ENTPD7: variants seen among roughly 807,000 people sequenced by gnomAD.
ENTPD7 encodes NTPDase 7.
In ENTPD7, 53 loss-of-function variants were observed where a neutral mutation model predicts 77.9. The ratio of observed to expected loss-of-function variants is 0.68; its 90% CI spans 0.55 to 0.85. ENTPD7 has a LOEUF of 0.85. Among genes scored for constraint, ENTPD7 ranks in the 40% least tolerant of loss-of-function variants. ENTPD7 has a pLI of 0.00. For synonymous variants in ENTPD7, 248 were observed against 274.9 expected, an observed-to-expected ratio of 0.90 and a Z score of 0.97; for missense variants, 636 against 743.7, an observed-to-expected ratio of 0.86 and a Z score of 1.68.
intron 5 of ENTPD7, 69 bp from the exon 6 acceptor site, chr10:99,685,723 A>G: frequency 2.7e-6 from 3 of 1,128,954 alleles, no homozygotes; most frequent in Non-Finnish European, 4.0e-6. Flanking sequence ...AAGTAGAAGG[A>G]CAAGTTGAGG....
intron 4 of ENTPD7, 82 bp from the exon 5 acceptor site, chr10:99,679,643 C>T (rs1473124755): frequency 4.0e-6 from 6 of 1,516,038 alleles, no homozygotes; most frequent in Middle Eastern, 1.8e-4. Context: ...TTGAGGAGAA[C>T]TTTATAGGGT....
In ENTPD7 at chr10:99,680,024, G is replaced by A; in HGVS notation, c.548+149G>A. 3.0e-6 allele frequency: 3 copies of A among 984,040 alleles called. No individual in the cohort carries two copies. The South Asian group carries it at 5.6e-5, about 18-fold the overall frequency. The allele number at this position is 984,040 out of a possible 1,614,324, so 61.0% of individuals were successfully genotyped here. A position where few individuals can be genotyped will look rare whatever the true frequency, so the allele number is the denominator to read the frequency against. On this transcript the variant is annotated intron_variant, in intron 5 of 12. Coordinates refer to ENST00000370489, the MANE Select transcript of ENTPD7 (RefSeq NM_020354.5). The stretch of plus-strand genomic sequence containing the variant: ...CATTCCCAACTTCTTGTCATTTGCT[G>A]CTTTGGGATCAGTATCTATCTGGGA...
chr10:99,702,021 C>T (rs893816474), intron 11 of ENTPD7, among the ~76,000 whole-genome samples: 5 of 151,770 alleles, frequency 3.3e-5, no homozygotes, highest in Non-Finnish European at 5.9e-5. Flanking sequence ...TGCACTCCAG[C>T]GTGGGTGACA....
chr10:99,695,838 G>A lies in ENTPD7; in HGVS notation c.844-118G>A, dbSNP rs1590054110. 2.7e-5 allele frequency: 25 copies of A among 917,606 alleles called. No individual in the cohort carries two copies. In the East Asian group the frequency reaches 6.6e-4, roughly 24 times the overall value. 56.8% of individuals were successfully genotyped at this position (917,606 alleles called of 1,614,324 possible). On this transcript the variant is annotated intron_variant, in intron 8 of 12. Transcript: ENST00000370489. ...AATAATGCTATGAGGATGAAAGAAT[G>A]CTTAAGATGTTTTAAAGAGTAGTCA...
chr10:99,661,652 A>C (rs1166230262), intron 3 of ENTPD7, 24 bp downstream of exon 3: 6 of 1,573,886 alleles, frequency 3.8e-6, no homozygotes, highest in Non-Finnish European at 5.2e-6. Flanking sequence ...AGATTTTGGC[A>C]CTCAAGTCAT....
chr10:99,692,870 GTGA>G (rs3047439), intron 8 of ENTPD7, among the ~76,000 whole-genome samples: 64,705 of 151,732 alleles, frequency 0.43, 14,236 homozygotes, highest in Middle Eastern at 0.64. Context: ...TCTGAATTTT[GTGA>G]TGATGTCAGT....
In ENTPD7 at chr10:99,688,701, T is replaced by C. The variant is rs774614166; in HGVS notation, c.660T>C (p.Tyr220=). ...EVISGKQEGV[Y]AWIGINFVLG... ...TTTCTGTTTCTTACTTAGGGGTTTA[T>C]GCATGGATTGGAATCAACTTTGTTT... is the stretch of plus-strand genomic sequence containing the variant. The change falls in exon 7 of 13, where the codon TAT becomes TAC. Residue 220 remains tyrosine (Y), a synonymous_variant. Transcript: ENST00000370489. 3.1e-6 allele frequency: 5 copies of C among 1,613,952 alleles called. No individual in the cohort carries two copies. Among genetic ancestry groups the C allele is most frequent in the Admixed American group, 1.7e-5 (1 of 60,018 alleles).
intron 5 of ENTPD7, among the ~76,000 whole-genome samples, chr10:99,684,446 T>C (rs900068223): frequency 1.3e-5 from 2 of 152,222 alleles, no homozygotes; most frequent in Non-Finnish European, 2.9e-5. Context: ...TTGAGGAGTT[T>C]AGAAGCATAT....
At position 99,710,436 on chromosome 10, in the gene ENTPD7, T is replaced by G; in HGVS notation, c.*5753T>G. On this transcript the variant is annotated 3_prime_UTR_variant, in exon 13 of 13. Transcript: ENST00000370489. ...CTGCGGAGTGTAGTGAAAGACATCT[T>G]TTTATTATGATCTACACTTTAAAAA... 1.0e-6 allele frequency: 1 copy of G among 981,402 alleles called. No individual in the cohort carries two copies. Among genetic ancestry groups the G allele is most frequent in the Non-Finnish European group, 1.2e-6 (1 of 828,440 alleles). 60.8% of individuals were successfully genotyped at this position (981,402 alleles called of 1,614,324 possible). A position where few individuals can be genotyped will look rare whatever the true frequency, so the allele number is the denominator to read the frequency against.
intron 3 of ENTPD7, among the ~76,000 whole-genome samples, chr10:99,669,697 C>T (rs1422789432): frequency 4.1e-5 from 6 of 145,648 alleles, no homozygotes; most frequent in Non-Finnish European, 6.0e-5. Context: ...TACACATGCA[C>T]AGCAGAGCTG....
At position 99,701,038 on chromosome 10, in the gene ENTPD7, T is replaced by G. The variant is rs1370606547; in HGVS notation, c.1401T>G (p.His467Gln). ...TCAAGAATGGCCTCTTTTCATCACA[T>G]GCAGATGAGCATCGACTCAAGTAAG... ...QRFKNGLFSS[H>Q]ADEHRLKYQC... Residue 467 changes from histidine (H) to glutamine (Q), a missense_variant, in exon 11 of 13, where the codon CAT becomes CAG. Coordinates refer to ENST00000370489, the MANE Select transcript of ENTPD7 (RefSeq NM_020354.5). The G allele has an allele frequency of 1.2e-6, 2 of 1,613,932 alleles. No individual in the cohort carries two copies. The highest frequency in any genetic ancestry group is 1.7e-6 in the Non-Finnish European group (2 of 1,179,904).
At chr10:99,669,750 T>TTG (rs1554835542) in intron 3 of ENTPD7, among the ~76,000 whole-genome samples, 1 of 126,784 alleles carries the variant, frequency 7.9e-6, no homozygotes, top group Non-Finnish European at 1.7e-5. Flanking sequence ...GTTTTTTTTT[T>TTG]TTTTTTTTTT....
chr10:99,681,795 G>C (rs1415623163), intron 5 of ENTPD7, among the ~76,000 whole-genome samples: 1 of 152,152 alleles, frequency 6.6e-6, no homozygotes, highest in African/African-American at 2.4e-5. Flanking sequence ...TAGGGATGTT[G>C]AGCAACTTTT....
chr10:99,709,685 G>C lies in ENTPD7; in HGVS notation c.*5002G>C, dbSNP rs886046597. ...CCTGTTTGGGTGTCCCATCTACCCTGTTTTCTGTTTCTGCAGATGGCTTGT... is the reference window on the plus strand; with the variant it reads ...CCTGTTTGGGTGTCCCATCTACCCTCTTTTCTGTTTCTGCAGATGGCTTGT... On this transcript the variant is annotated 3_prime_UTR_variant, in exon 13 of 13. Transcript: ENST00000370489. 3.2e-5 allele frequency: 32 copies of C among 985,268 alleles called. No homozygotes were observed. The highest frequency in any genetic ancestry group is 3.9e-5 in the Non-Finnish European group (32 of 829,922). The allele number at this position is 985,268 out of a possible 1,614,324, so 61.0% of individuals were successfully genotyped here. A position where few individuals can be genotyped will look rare whatever the true frequency, so the allele number is the denominator to read the frequency against.
rs1264294644 is a variant in ENTPD7 at position 99,705,680 on chromosome 10, A to G, written c.*997A>G. 1 of 152,274 alleles carries G rather than the reference A, an allele frequency of 6.6e-6. No individual in the cohort carries two copies. Among genetic ancestry groups the G allele is most frequent in the East Asian group, 1.9e-4 (1 of 5,206 alleles). 9.4% of individuals were successfully genotyped at this position (152,274 alleles called of 1,614,324 possible). ...GAGAGTGGGCAAAGGCAATAAAATCAAAGTTCTTATTAATTATTTCTGAGA... is the reference window on the plus strand; with the variant it reads ...GAGAGTGGGCAAAGGCAATAAAATCGAAGTTCTTATTAATTATTTCTGAGA... On this transcript the variant is annotated 3_prime_UTR_variant, in exon 13 of 13. Transcript: ENST00000370489.
chr10:99,700,676 G>A (rs1208437254), intron 10 of ENTPD7, among the ~76,000 whole-genome samples: 1 of 152,202 alleles, frequency 6.6e-6, no homozygotes, highest in Non-Finnish European at 1.5e-5. Context: ...AGTCCTATGT[G>A]GAGTAGAATG....
At chr10:99,686,951 T>C (rs1156747097) in intron 6 of ENTPD7, among the ~76,000 whole-genome samples, 5 of 143,060 alleles carry the variant, frequency 3.5e-5, no homozygotes, top group Non-Finnish European at 7.5e-5. Context: ...AGAGTTGCAC[T>C]CTTGTTACCA....
chr10:99,666,271 T>C (rs778078509), intron 3 of ENTPD7, among the ~76,000 whole-genome samples: 4 of 151,912 alleles, frequency 2.6e-5, no homozygotes, highest in Non-Finnish European at 5.9e-5. Context: ...GCAGTGGCGC[T>C]ATCTCGGCTC....
Position 99,707,532 on chromosome 10 carries a change from T to C in ENTPD7, c.*2849T>C, listed in dbSNP as rs1305497310. Reference sequence around the variant, plus strand: ...CTCTTCTATTTGCATTTCTGCACTTTGGTGGTTCTCCCATGAAGATAATTA... The same window carrying C: ...CTCTTCTATTTGCATTTCTGCACTTCGGTGGTTCTCCCATGAAGATAATTA... On this transcript the variant is annotated 3_prime_UTR_variant, in exon 13 of 13. Transcript: ENST00000370489. 6.6e-6 allele frequency among the ~76,000 whole-genome samples: 1 copy of C among 152,270 alleles called. No individual in the cohort carries two copies. Among genetic ancestry groups the C allele is most frequent in the Non-Finnish European group, 1.5e-5 (1 of 68,046 alleles).
Sources: allele counts gnomAD v4.1 joint callset (sites outside exome capture counted in the v4.1 genomes callset), GRCh38; gene constraint gnomAD v4.1.1; transcripts MANE v1.5; gene names NCBI Gene and HGNC (gene_info 2026-07-23, HGNC 2026-07-21).